The following DCC variants were observed in gnomAD, a reference collection of about 807,000 sequenced individuals.
The protein encoded by DCC is DCC netrin 1 receptor, also known as netrin receptor DCC.
Under a neutral mutation model 172.5 loss-of-function variants are expected in DCC, and 58 were observed. The observed-to-expected ratio is 0.34, with a 90% CI of 0.27 to 0.42. DCC has a LOEUF of 0.42. DCC is among the 10% of genes least tolerant of loss of function. The pLI is 1.00. For missense variants in DCC, 1,740 were observed against 1,791.0 expected, an observed-to-expected ratio of 0.97 and a Z score of 0.51; for synonymous variants, 709 against 644.5, an observed-to-expected ratio of 1.10 and a Z score of -1.52.
chr18:53,468,062 T>C (rs774409168), intron 25 of DCC, 52 bp downstream of exon 25: 1 of 897,028 alleles, frequency 1.1e-6, no homozygotes, highest in South Asian at 1.3e-5. Context: ...TCTGTATGTA[T>C]CTTTTCTATA....
At chr18:52,347,604 T>C (rs1482737246) in intron 1 of DCC, among the ~76,000 whole-genome samples, 2 of 152,160 alleles carry the variant, frequency 1.3e-5, no homozygotes, top group Admixed American at 6.5e-5. Flanking sequence ...CAGTTCTCTC[T>C]TTTAGTTTTG....
intron 2 of DCC, among the ~76,000 whole-genome samples, chr18:52,808,110 T>C (rs1421181614): frequency 6.6e-6 from 1 of 152,216 alleles, no homozygotes; most frequent in Non-Finnish European, 1.5e-5. Flanking sequence ...CCTTTATGTA[T>C]GAGATTTCAC....
chr18:52,789,626 G>A (rs1350134344), intron 2 of DCC, among the ~76,000 whole-genome samples: 4 of 152,154 alleles, frequency 2.6e-5, no homozygotes, highest in Non-Finnish European at 4.4e-5. Context: ...ACAAGCCTGA[G>A]TTAGTTTGTG....
intron 22 of DCC, among the ~76,000 whole-genome samples, chr18:53,437,569 C>T (rs562913081): frequency 3.8e-5 from 4 of 105,568 alleles, no homozygotes; most frequent in Non-Finnish European, 6.8e-5. Flanking sequence ...GGCAACAGAG[C>T]AAGGCTCCAT....
intron 14 of DCC, among the ~76,000 whole-genome samples, chr18:53,323,030 A>C (rs2057430386): frequency 6.6e-6 from 1 of 152,174 alleles, no homozygotes. Flanking sequence ...TGACAGCACA[A>C]GATAATTGCC....
intron 27 of DCC, among the ~76,000 whole-genome samples, chr18:53,504,085 C>T (rs890670727): frequency 4.6e-5 from 7 of 152,106 alleles, no homozygotes; most frequent in African/African-American, 2.4e-5. Context: ...ACAGAAAAGG[C>T]GTTTGATTTA....
intron 16 of DCC, among the ~76,000 whole-genome samples, chr18:53,387,285 TATGTC>T (rs1455955170): frequency 1.3e-5 from 2 of 152,224 alleles, no homozygotes; most frequent in African/African-American, 4.8e-5. Flanking sequence ...TCATAATTGT[TATGTC>T]ATGGCCTTTA....
At chr18:52,379,901 T>C (rs1185342338) in intron 1 of DCC, among the ~76,000 whole-genome samples, 1 of 152,172 alleles carries the variant, frequency 6.6e-6, no homozygotes, top group Non-Finnish European at 1.5e-5. Context: ...TATAACAGTA[T>C]ACATGAGACT....
At position 52,362,315 on chromosome 18, in the gene DCC, G is replaced by C. The variant is rs73955614; in HGVS notation, c.91+21437G>C. ...GATTTGACGGTTATGTCCCCCACTT[G>C]GAGCTGGGAAGTCACAGGACTTACT... On this transcript the variant is annotated intron_variant, in intron 1 of 28. Transcript: ENST00000442544. Among the ~76,000 whole-genome samples the C allele has an allele frequency of 3.4e-3, 512 of 152,286 alleles. 6 individuals are homozygous for C. Among genetic ancestry groups the C allele is most frequent in the African/African-American group, 0.012 (485 of 41,556 alleles).
intron 21 of DCC, among the ~76,000 whole-genome samples, chr18:53,434,161 A>G (rs965245432): frequency 2.0e-5 from 3 of 152,122 alleles, no homozygotes; most frequent in African/African-American, 7.2e-5. Flanking sequence ...TGAGAAAACA[A>G]CCTATGTTAC....
intron 7 of DCC, among the ~76,000 whole-genome samples, chr18:53,080,815 T>C (rs1037706775): frequency 6.6e-6 from 1 of 152,114 alleles, no homozygotes; most frequent in East Asian, 1.9e-4. Context: ...CTGTAAGTTA[T>C]TGGCATTGCT....
At chr18:52,942,892 G>A (rs913998595) in intron 5 of DCC, among the ~76,000 whole-genome samples, 1 of 152,136 alleles carries the variant, frequency 6.6e-6, no homozygotes, top group Non-Finnish European at 1.5e-5. Context: ...ATTATCATGA[G>A]ATATTTGAAG....
intron 1 of DCC, among the ~76,000 whole-genome samples, chr18:52,564,824 T>C (rs1249401154): frequency 6.6e-6 from 1 of 152,020 alleles, no homozygotes; most frequent in African/African-American, 2.4e-5. Context: ...GAGGAGCTCT[T>C]TGTAGTCTAG....
At chr18:52,369,181 G>C (rs1379847203) in intron 1 of DCC, among the ~76,000 whole-genome samples, 6 of 152,164 alleles carry the variant, frequency 3.9e-5, no homozygotes, top group African/African-American at 1.2e-4. Flanking sequence ...AAAACCCTAA[G>C]AATGTGTGCT....
At chr18:52,525,727 G>C (rs1463791086) in intron 1 of DCC, among the ~76,000 whole-genome samples, 1 of 152,184 alleles carries the variant, frequency 6.6e-6, no homozygotes, top group African/African-American at 2.4e-5. Context: ...AGAAAAATGT[G>C]ATAGTTATTG....
chr18:53,080,799 G>A (rs2042788783), intron 7 of DCC, among the ~76,000 whole-genome samples: 1 of 152,044 alleles, frequency 6.6e-6, no homozygotes, highest in Non-Finnish European at 1.5e-5. Flanking sequence ...ATGCTGACTG[G>A]GAATTCTGTA....
chr18:53,438,142 CAAGG>C (rs2145124415), intron 22 of DCC, among the ~76,000 whole-genome samples: 1 of 152,266 alleles, frequency 6.6e-6, no homozygotes. Flanking sequence ...GCTATTTCTA[CAAGG>C]ATTTTCACAT....
chr18:52,372,015 GT>G (rs555562196), intron 1 of DCC, among the ~76,000 whole-genome samples: 70 of 152,290 alleles, frequency 4.6e-4, no homozygotes, highest in African/African-American at 1.5e-3. Context: ...TCATTTGGTA[GT>G]TTTTGTTCAC....
intron 1 of DCC, among the ~76,000 whole-genome samples, chr18:52,507,656 C>G (rs2144640238): frequency 6.6e-6 from 1 of 152,280 alleles, no homozygotes; most frequent in African/African-American, 2.4e-5. Context: ...TCTCTTTTGT[C>G]CATCAATGTG....
Sources: gnomAD v4.1 joint callset for allele counts (sites outside exome capture counted in the v4.1 genomes callset) on GRCh38, gnomAD v4.1.1 for gene constraint, MANE v1.5 for transcripts, NCBI Gene and HGNC (gene_info 2026-07-23, HGNC 2026-07-21) for gene names.